Variants in ACBD6 observed in about 807,000 individuals in gnomAD.
The protein encoded by ACBD6 is acyl-CoA binding domain containing 6, also known as acyl-CoA-binding domain-containing protein 6.
In ACBD6, 28 loss-of-function variants were observed where a neutral mutation model predicts 37.2. That is an observed-to-expected ratio of 0.75 (90% CI 0.56 to 1.03). The LOEUF is 1.03. Among genes scored for constraint, ACBD6 ranks in the 50% least tolerant of loss-of-function variants. ACBD6 has a pLI of 0.00. For synonymous variants in ACBD6, 113 were observed against 126.8 expected (o/e 0.89, Z 0.73); for missense variants, 340 against 337.4 (o/e 1.01, Z -0.06).
At chr1:180,406,848 C>CA (rs924999319) in intron 5 of ACBD6, among the ~76,000 whole-genome samples, 2 of 152,092 alleles carry the variant, frequency 1.3e-5, no homozygotes, top group African/African-American at 4.8e-5. Context: ...CAGATAAATA[C>CA]AAAAAAGAAC....
At chr1:180,430,571 G>A (rs1262764374) in intron 3 of ACBD6, among the ~76,000 whole-genome samples, 1 of 152,020 alleles carries the variant, frequency 6.6e-6, no homozygotes, top group Non-Finnish European at 1.5e-5. Flanking sequence ...GGATGTTCAG[G>A]TGAGAAAAAG....
At chr1:180,368,275 T>C (rs1653125647) in intron 6 of ACBD6, among the ~76,000 whole-genome samples, 1 of 152,206 alleles carries the variant, frequency 6.6e-6, no homozygotes, top group Non-Finnish European at 1.5e-5. Context: ...TGCTGGGTAT[T>C]AGACCTTTGT....
chr1:180,338,797 T>C (rs887170150), intron 6 of ACBD6, among the ~76,000 whole-genome samples: 11 of 152,294 alleles, frequency 7.2e-5, no homozygotes, highest in Admixed American at 5.2e-4. Context: ...AAAGGGTTAA[T>C]ATCCAGAATC....
downstream of ACBD6, among the ~76,000 whole-genome samples, chr1:180,286,788 G>GA (rs1339166183): frequency 5.9e-5 from 9 of 152,150 alleles, 1 homozygote; most frequent in Non-Finnish European, 1.2e-4. Flanking sequence ...AGTTAAGATA[G>GA]AAAAATCACA....
At chr1:180,453,248 A>G (rs548193099) in intron 3 of ACBD6, among the ~76,000 whole-genome samples, 101 of 152,382 alleles carry the variant, frequency 6.6e-4, no homozygotes, top group South Asian at 6.0e-3. Context: ...TCTGGGATGC[A>G]AGGCTGGTTC....
At chr1:180,328,381 A>G (rs866984875) in intron 6 of ACBD6, among the ~76,000 whole-genome samples, 6 of 151,802 alleles carry the variant, frequency 4.0e-5, no homozygotes, top group African/African-American at 1.5e-4. Flanking sequence ...ATATACACAC[A>G]TATATATTCC....
rs34773334 is a variant in ACBD6, at chr1:180,361,275, C to CTT, written c.663+36239_663+36240dup. Among the ~76,000 whole-genome samples, 662 of 135,626 alleles carry CTT rather than the reference C, an allele frequency of 4.9e-3. 8 individuals carry two copies. Among genetic ancestry groups the CTT allele is most frequent in the East Asian group, 0.04 (191 of 4,822 alleles). The allele number at this position is 135,626 out of a possible 152,430, so 89.0% of individuals were successfully genotyped here. On this transcript the variant is annotated intron_variant, in intron 6 of 7. Transcript: ENST00000367595. ...TTTGTTACAAGCAACTTTTTTTTTC[C>CTT]TTTTTTTTTTTTTTTTAAACAGGTG...
chr1:180,355,895 T>C (rs1459355896), intron 6 of ACBD6, among the ~76,000 whole-genome samples: 2 of 151,454 alleles, frequency 1.3e-5, no homozygotes, highest in Non-Finnish European at 2.9e-5. Context: ...TGAGACGGAG[T>C]CTTGCTCTGT....
intron 6 of ACBD6, among the ~76,000 whole-genome samples, chr1:180,368,791 C>A (rs1309875583): frequency 6.6e-6 from 1 of 151,422 alleles, no homozygotes; most frequent in Non-Finnish European, 1.5e-5. Context: ...TAAAATAGAA[C>A]AATTATAACA....
intron 3 of ACBD6, among the ~76,000 whole-genome samples, chr1:180,480,564 T>C (rs1269564131): frequency 1.3e-5 from 2 of 152,308 alleles, no homozygotes; most frequent in East Asian, 1.9e-4. Flanking sequence ...TTTAGACCTG[T>C]TGAGTCTGAA....
intron 3 of ACBD6, among the ~76,000 whole-genome samples, chr1:180,456,716 T>C (rs1649938161): frequency 6.6e-6 from 1 of 152,050 alleles, no homozygotes; most frequent in African/African-American, 2.4e-5. Context: ...TGTGACTAAA[T>C]GTTGATCTTT....
intron 6 of ACBD6, among the ~76,000 whole-genome samples, chr1:180,373,564 T>C (rs1313295301): frequency 6.6e-6 from 1 of 152,216 alleles, no homozygotes; most frequent in Non-Finnish European, 1.5e-5. Context: ...AACACATTTA[T>C]GTTTAACCCA....
At chr1:180,390,024 A>T (rs965409515) in intron 6 of ACBD6, among the ~76,000 whole-genome samples, 3 of 151,780 alleles carry the variant, frequency 2.0e-5, no homozygotes, top group Non-Finnish European at 4.4e-5. Flanking sequence ...CTATTTGTCA[A>T]TTCTGGCTTT....
At position 180,497,708 on chromosome 1, in the gene ACBD6, ATT is replaced by A. The variant is rs770957358; in HGVS notation, c.223-2185_223-2184del. 2.0e-5 allele frequency among the ~76,000 whole-genome samples: 3 copies of A among 152,180 alleles called. No homozygotes were observed. In the East Asian group the frequency reaches 5.8e-4, roughly 29 times the overall value. ...AGTGAGAAAAGTAGCACTGTTTTAC[ATT>A]TTTTAATTTTTTTAATGTCTCGCTT... is the stretch of plus-strand genomic sequence containing the variant. On this transcript the variant is annotated intron_variant, in intron 1 of 7. Transcript: ENST00000367595.
chr1:180,444,630 A>C (rs929408022), intron 3 of ACBD6, among the ~76,000 whole-genome samples: 5 of 152,238 alleles, frequency 3.3e-5, no homozygotes, highest in Non-Finnish European at 7.3e-5. Flanking sequence ...TATCCACTCC[A>C]GTGAAATTTC....
At chr1:180,299,352 A>G (rs1284417941) in intron 7 of ACBD6, among the ~76,000 whole-genome samples, 2 of 152,154 alleles carry the variant, frequency 1.3e-5, no homozygotes, top group African/African-American at 4.8e-5. Context: ...TGTGCTGGGA[A>G]ATACAAAAAC....
chr1:180,382,607 C>T (rs138968938), intron 6 of ACBD6, among the ~76,000 whole-genome samples: 389 of 152,268 alleles, frequency 2.6e-3, no homozygotes, highest in African/African-American at 9.1e-3. Flanking sequence ...GGCTTCACTG[C>T]TGAATTCTAC....
intron 4 of ACBD6, among the ~76,000 whole-genome samples, chr1:180,424,934 C>T (rs1483360463): frequency 6.6e-6 from 1 of 152,162 alleles, no homozygotes; most frequent in Non-Finnish European, 1.5e-5. Context: ...AGCCAGGAGA[C>T]TCTTACAACA....
exon 14 of ACBD6, chr1:180,271,912 T>C: frequency 6.2e-7 from 1 of 1,613,458 alleles, no homozygotes; most frequent in Middle Eastern, 1.7e-4. Flanking sequence ...GGCAGTTCTA[T>C]AAGAGCGTCA....
Sources: allele counts gnomAD v4.1 joint callset (sites outside exome capture counted in the v4.1 genomes callset), GRCh38; gene constraint gnomAD v4.1.1; transcripts MANE v1.5; gene names NCBI Gene and HGNC (gene_info 2026-07-23, HGNC 2026-07-21).